Variants in NIPAL2 observed in about 807,000 individuals in gnomAD.
NIPAL2 encodes the protein NIPA like domain containing 2.
NIPAL2 carries 43 observed loss-of-function variants against 48.9 expected under a neutral mutation model. That is an observed-to-expected ratio of 0.88 (90% CI 0.69 to 1.13). NIPAL2 has a LOEUF of 1.13. NIPAL2 is among the 50% of genes most tolerant of loss of function. The pLI is 0.00. For missense variants in NIPAL2, 446 were observed against 461.4 expected, an observed-to-expected ratio of 0.97 and a Z score of 0.31; for synonymous variants, 167 against 174.6, an observed-to-expected ratio of 0.96 and a Z score of 0.34.
At chr8:98,278,623 T>C (rs1180153732) in intron 1 of NIPAL2, among the ~76,000 whole-genome samples, 2 of 152,194 alleles carry the variant, frequency 1.3e-5, no homozygotes, top group Non-Finnish European at 2.9e-5. Flanking sequence ...AATTAATTTT[T>C]ACAAGGCCAT....
intron 1 of NIPAL2, among the ~76,000 whole-genome samples, chr8:98,254,765 T>C (rs1022661483): frequency 1.3e-5 from 2 of 152,254 alleles, no homozygotes; most frequent in African/African-American, 2.4e-5. Flanking sequence ...GACTTACTTT[T>C]AATGTGCTTC....
Position 98,192,998 on chromosome 8 carries a change from C to T in NIPAL2, c.1132G>A (p.Gly378Arg). The change falls in exon 11 of 11, where the codon GGA (glycine) becomes AGA (arginine). Residue 378 changes from glycine (G) to arginine (R), a missense_variant. By Grantham distance (125) the Gly-to-Arg change is moderately radical (BLOSUM62 -2). Coordinates refer to ENST00000430223, the MANE Select transcript of NIPAL2 (RefSeq NM_001321635.2). ...AGCATTTAGACCTCTTTCTTCTCTC[C>T]ACTTTGGCTCTTTGTTGAGTCACTT... ...DGSDSTKSQSGEKKEV is the reference protein window; with the variant it reads ...DGSDSTKSQSREKKEV The T allele has an allele frequency of 6.2e-7, 1 of 1,612,242 alleles. No homozygotes were observed. The highest frequency in any genetic ancestry group is 8.5e-7 in the Non-Finnish European group (1 of 1,178,326).
At chr8:98,209,675 A>ATT (rs112726461) in intron 6 of NIPAL2, among the ~76,000 whole-genome samples, 1 of 145,686 alleles carries the variant, frequency 6.9e-6, no homozygotes, top group African/African-American at 2.5e-5. Context: ...TTATTTGCTA[A>ATT]TTTTTTTTTT....
intron 4 of NIPAL2, among the ~76,000 whole-genome samples, chr8:98,231,165 C>T (rs150867637): frequency 7.2e-4 from 109 of 152,252 alleles, no homozygotes; most frequent in Non-Finnish European, 1.3e-3. Flanking sequence ...AGTACAGTCT[C>T]TCTGGATTCC....
chr8:98,190,743 T>C lies in NIPAL2; in HGVS notation c.*2235A>G, dbSNP rs1810273129. 1 of 152,218 alleles carries C rather than the reference T, an allele frequency of 6.6e-6. No individual in the cohort carries two copies. The highest frequency in any genetic ancestry group is 1.5e-5 in the Non-Finnish European group (1 of 68,028). The allele number at this position is 152,218 out of a possible 1,614,324, so 9.4% of individuals were successfully genotyped here. A position where few individuals can be genotyped will look rare whatever the true frequency, so the allele number is the denominator to read the frequency against. ...GACAGACACCATGTCTGTCTGTTGG[T>C]ACAGACAACACAAACTCCAAAATAT... On this transcript the variant is annotated 3_prime_UTR_variant, in exon 11 of 11. Coordinates refer to ENST00000430223, the MANE Select transcript of NIPAL2 (RefSeq NM_001321635.2).
In NIPAL2 at chr8:98,294,099, G is replaced by A; in HGVS notation, c.39C>T (p.Ala13=). 4 of 1,489,022 alleles carry A rather than the reference G, an allele frequency of 2.7e-6. No individual in the cohort carries two copies. Among genetic ancestry groups the A allele is most frequent in the Non-Finnish European group, 2.7e-6 (3 of 1,119,878 alleles). 92.2% of individuals were successfully genotyped at this position (1,489,022 alleles called of 1,614,324 possible). A position where few individuals can be genotyped will look rare whatever the true frequency, so the allele number is the denominator to read the frequency against. Reference sequence around the variant, plus strand: ...GTGACAGCTCGTCCAGGGCGGCCGAGGCGGAGTCCCCGGGGCCCGCGGGCG... The same window carrying A: ...GTGACAGCTCGTCCAGGGCGGCCGAAGCGGAGTCCCCGGGGCCCGCGGGCG... ...AVAPAGPGDS[A]SAALDELSLN... Residue 13 remains alanine (A), a synonymous_variant, in exon 1 of 11, where the codon GCC becomes GCT. Coordinates refer to ENST00000430223, the MANE Select transcript of NIPAL2 (RefSeq NM_001321635.2).
intron 1 of NIPAL2, among the ~76,000 whole-genome samples, chr8:98,262,429 G>A (rs1203016366): frequency 1.3e-5 from 2 of 150,712 alleles, no homozygotes; most frequent in Non-Finnish European, 3.0e-5. Context: ...AAAGGATGGA[G>A]GAAGATCTAC....
chr8:98,271,973 T>A (rs1252784512), intron 1 of NIPAL2, among the ~76,000 whole-genome samples: 1 of 152,160 alleles, frequency 6.6e-6, no homozygotes, highest in Non-Finnish European at 1.5e-5. Context: ...TTGTTTTTAA[T>A]GCTGCTTATG....
In NIPAL2 at chr8:98,205,187, CCAT is replaced by C. The variant is rs1459314618; in HGVS notation, c.712_714del (p.Met238del). On this transcript the variant is annotated inframe_deletion, in exon 7 of 11. Coordinates refer to ENST00000430223, the MANE Select transcript of NIPAL2 (RefSeq NM_001321635.2). ...ATGGGGTAAGTTAGTTGCATTTTAT[CCAT>C]CACAGAAAAAGTGATCATGCCTGAG... 42 of 1,612,896 alleles carry C rather than the reference CCAT, an allele frequency of 2.6e-5. No individual in the cohort carries two copies. Among genetic ancestry groups the C allele is most frequent in the Non-Finnish European group, 3.6e-5 (42 of 1,179,186 alleles).
chr8:98,268,873 A>G (rs552304793), intron 1 of NIPAL2, among the ~76,000 whole-genome samples: 92 of 152,328 alleles, frequency 6.0e-4, no homozygotes, highest in Non-Finnish European at 1.1e-3. Context: ...AAAATGTTAG[A>G]CATACTTTAA....
chr8:98,255,691 GA>G (rs1328160999), intron 1 of NIPAL2, among the ~76,000 whole-genome samples: 1 of 152,106 alleles, frequency 6.6e-6, no homozygotes, highest in Non-Finnish European at 1.5e-5. Context: ...CCCTCATGGG[GA>G]AACAATTGAG....
intron 1 of NIPAL2, among the ~76,000 whole-genome samples, chr8:98,277,498 T>C (rs113818281): frequency 0.053 from 7,988 of 152,060 alleles, 491 homozygotes; most frequent in African/African-American, 0.15. Flanking sequence ...GGTCGCACCA[T>C]TGCACTCCAG....
chr8:98,288,705 G>A (rs1321208971), intron 1 of NIPAL2, among the ~76,000 whole-genome samples: 1 of 151,888 alleles, frequency 6.6e-6, no homozygotes, highest in Non-Finnish European at 1.5e-5. Flanking sequence ...AGCACCTGTT[G>A]TTTCCTGACT....
intron 6 of NIPAL2, among the ~76,000 whole-genome samples, chr8:98,209,445 C>CAAAAAAAAAA (rs33923448): frequency 5.2e-4 from 37 of 70,478 alleles, no homozygotes; most frequent in African/African-American, 6.8e-4. Flanking sequence ...CCTGTCTCTC[C>CAAAAAAAAAA]AAAAAAAAAA....
intron 1 of NIPAL2, among the ~76,000 whole-genome samples, chr8:98,267,958 C>T (rs575724473): frequency 1.3e-5 from 2 of 152,274 alleles, no homozygotes; most frequent in African/African-American, 2.4e-5. Flanking sequence ...TTCAACTTCA[C>T]GTCCTAAGAA....
At chr8:98,280,846 A>C (rs772919249) in intron 1 of NIPAL2, among the ~76,000 whole-genome samples, 1 of 149,856 alleles carries the variant, frequency 6.7e-6, no homozygotes, top group Non-Finnish European at 1.5e-5. Context: ...TCTCCAGGTG[A>C]GGGACATATG....
rs1813650158 is a variant in NIPAL2 at position 98,252,546 on chromosome 8, G to A, written c.293C>T (p.Ala98Val). 2 of 1,613,906 alleles carry A rather than the reference G, an allele frequency of 1.2e-6. No individual in the cohort carries two copies. Among genetic ancestry groups the A allele is most frequent in the South Asian group, 1.1e-5 (1 of 91,056 alleles). The change falls in exon 3 of 11, where the codon GCC (alanine) becomes GTC (valine). Residue 98 changes from alanine to valine, a missense_variant. Ala to Val is a moderately conservative substitution (Grantham distance 64, BLOSUM62 0). Transcript: ENST00000430223. The part of the protein sequence containing the change: ...VLWWGGVLLM[A>V]VGETGNFAAY... ...TGCAAAGTTCCCCGTCTCTCCCACGGCCATCAGCAGGACACCACCCCACCA... is the reference window on the plus strand; with the variant it reads ...TGCAAAGTTCCCCGTCTCTCCCACGACCATCAGCAGGACACCACCCCACCA...
intron 3 of NIPAL2, among the ~76,000 whole-genome samples, chr8:98,247,973 A>G (rs1332965359): frequency 6.6e-6 from 1 of 152,242 alleles, no homozygotes; most frequent in East Asian, 1.9e-4. Flanking sequence ...TAGTTAATGA[A>G]CAAGAGAACA....
At chr8:98,245,721 C>A (rs1813276716) in intron 3 of NIPAL2, among the ~76,000 whole-genome samples, 1 of 152,168 alleles carries the variant, frequency 6.6e-6, no homozygotes, top group Admixed American at 6.5e-5. Flanking sequence ...TAGAAATACT[C>A]TTGTGGCATG....
Sources: gnomAD v4.1 joint callset for allele counts (sites outside exome capture counted in the v4.1 genomes callset) on GRCh38, gnomAD v4.1.1 for gene constraint, MANE v1.5 for transcripts, NCBI Gene and HGNC (gene_info 2026-07-23, HGNC 2026-07-21) for gene names.